Variants in NKAIN3 observed in about 807,000 individuals in gnomAD.
NKAIN3 encodes the protein sodium/potassium transporting ATPase interacting 3.
A neutral mutation model predicts 30.2 loss-of-function variants in NKAIN3; 25 were observed. The ratio of observed to expected loss-of-function variants is 0.83; its 90% CI spans 0.60 to 1.16. The LOEUF is 1.16. Among genes scored for constraint, NKAIN3 ranks in the 50% most tolerant of loss-of-function variants. The pLI is 0.00. For missense variants in NKAIN3, 225 were observed against 254.1 expected, an observed-to-expected ratio of 0.89 and a Z score of 0.78; for synonymous variants, 91 against 89.6, an observed-to-expected ratio of 1.02 and a Z score of -0.09.
At position 62,364,817 on chromosome 8, in the gene NKAIN3, A is replaced by C. The variant is rs1338345638; in HGVS notation, c.54+115690A>C. Among the ~76,000 whole-genome samples the C allele has an allele frequency of 9.6e-5, 10 of 103,834 alleles. No individual in the cohort carries two copies. In the Admixed American group the frequency reaches 1.2e-3, roughly 13 times the overall value. The allele number at this position is 103,834 out of a possible 152,430, so 68.1% of individuals were successfully genotyped here. A position where few individuals can be genotyped will look rare whatever the true frequency, so the allele number is the denominator to read the frequency against. ...GCACTCCAGCCTGTGTGACAGAGCG[A>C]GACTCCACTACAAAAAAAAAAAAAA... On this transcript the variant is annotated intron_variant, in intron 1 of 6. Transcript: ENST00000623646.
At chr8:62,955,787 C>T (rs1160030308) in intron 6 of NKAIN3, among the ~76,000 whole-genome samples, 2 of 152,188 alleles carry the variant, frequency 1.3e-5, no homozygotes, top group Admixed American at 6.5e-5. Context: ...GAATCAAAAA[C>T]ACCCAAAACA....
intron 4 of NKAIN3, among the ~76,000 whole-genome samples, chr8:62,768,793 A>G (rs939737267): frequency 6.6e-6 from 1 of 152,228 alleles, no homozygotes; most frequent in African/African-American, 2.4e-5. Context: ...CTTAAATTTA[A>G]CAATCCAAAC....
intron 1 of NKAIN3, among the ~76,000 whole-genome samples, chr8:62,301,460 G>A (rs573973330): frequency 3.8e-4 from 58 of 152,170 alleles, no homozygotes; most frequent in African/African-American, 1.4e-3. Flanking sequence ...CAACTGGACT[G>A]GTTACTTGGC....
intron 1 of NKAIN3, among the ~76,000 whole-genome samples, chr8:62,343,456 T>C (rs774898115): frequency 4.2e-4 from 64 of 152,074 alleles, no homozygotes; most frequent in Non-Finnish European, 8.4e-4. Flanking sequence ...CTACTATAAA[T>C]TTTACTATTC....
At chr8:62,440,731 C>T (rs543375263) in intron 1 of NKAIN3, among the ~76,000 whole-genome samples, 5 of 150,636 alleles carry the variant, frequency 3.3e-5, no homozygotes, top group Admixed American at 6.6e-5. Context: ...AGAGAGCTAA[C>T]GACTGTGAAA....
At chr8:62,389,289 A>G (rs1817518219) in intron 1 of NKAIN3, among the ~76,000 whole-genome samples, 1 of 152,224 alleles carries the variant, frequency 6.6e-6, no homozygotes, top group Non-Finnish European at 1.5e-5. Flanking sequence ...AAATCAGGTT[A>G]ATTAGCATAT....
intron 3 of NKAIN3, among the ~76,000 whole-genome samples, chr8:62,683,507 G>T (rs1045402269): frequency 2.6e-5 from 4 of 152,290 alleles, no homozygotes; most frequent in African/African-American, 9.6e-5. Context: ...AGTTTATTGA[G>T]AAATCATAAT....
chr8:62,961,320 C>T (rs1351171444), intron 6 of NKAIN3, among the ~76,000 whole-genome samples: 1 of 151,824 alleles, frequency 6.6e-6, no homozygotes, highest in East Asian at 1.9e-4. Flanking sequence ...ATTTTGTGTC[C>T]ACAGATGTGC....
At chr8:62,800,205 A>G (rs773303052) in intron 4 of NKAIN3, among the ~76,000 whole-genome samples, 2 of 149,978 alleles carry the variant, frequency 1.3e-5, no homozygotes, top group Non-Finnish European at 3.0e-5. Context: ...ATTGAAATAA[A>G]TAATAAATAA....
chr8:62,572,839 G>A (rs930279457), intron 1 of NKAIN3, among the ~76,000 whole-genome samples: 4 of 152,252 alleles, frequency 2.6e-5, no homozygotes, highest in Admixed American at 2.6e-4. Context: ...GGGAATTATG[G>A]GAGCTACAAG....
intron 4 of NKAIN3, 51 bp downstream of exon 4, chr8:62,747,180 A>AT (rs573180801): frequency 8.0e-6 from 10 of 1,251,214 alleles, no homozygotes; most frequent in African/African-American, 1.4e-5. Flanking sequence ...CTTTGCTGGC[A>AT]TTTTTTTCTC....
At chr8:62,870,358 T>C (rs1277963396) in intron 4 of NKAIN3, among the ~76,000 whole-genome samples, 1 of 135,770 alleles carries the variant, frequency 7.4e-6, no homozygotes, top group South Asian at 2.2e-4. Flanking sequence ...ACAAAATATA[T>C]GCATATACTA....
chr8:62,948,417 C>G (rs1229404148), intron 5 of NKAIN3, among the ~76,000 whole-genome samples: 3 of 152,084 alleles, frequency 2.0e-5, no homozygotes, highest in Non-Finnish European at 4.4e-5. Flanking sequence ...CCAGGATGGT[C>G]TCCATCTCTT....
intron 6 of NKAIN3, among the ~76,000 whole-genome samples, chr8:62,954,309 G>A (rs954854048): frequency 1.3e-4 from 20 of 152,148 alleles, no homozygotes; most frequent in Non-Finnish European, 2.6e-4. Flanking sequence ...AGTAAAAAGG[G>A]GAGAAAGACC....
At position 62,972,129 on chromosome 8, in the gene NKAIN3, A is replaced by G. The variant is rs1481895915; in HGVS notation, c.*6722A>G. Among the ~76,000 whole-genome samples the G allele has an allele frequency of 1.3e-5, 2 of 152,048 alleles. No individual in the cohort carries two copies. Among genetic ancestry groups the G allele is most frequent in the Admixed American group, 6.6e-5 (1 of 15,256 alleles). ...TTGGTAGTGTTGTTATTTTCTTGTT[A>G]TTCAGTTTAACAAGTACATAATCAA... On this transcript the variant is annotated 3_prime_UTR_variant, in exon 7 of 7. Coordinates refer to ENST00000623646, the MANE Select transcript of NKAIN3 (RefSeq NM_001304533.3).
chr8:62,651,135 G>GA (rs1024494536), intron 3 of NKAIN3, among the ~76,000 whole-genome samples: 12 of 150,698 alleles, frequency 8.0e-5, no homozygotes, highest in South Asian at 4.2e-4. Flanking sequence ...AAACTTCTTC[G>GA]AAAAGATAAA....
intron 1 of NKAIN3, among the ~76,000 whole-genome samples, chr8:62,265,155 C>A (rs1812564966): frequency 6.6e-6 from 1 of 152,154 alleles, no homozygotes; most frequent in Non-Finnish European, 1.5e-5. Context: ...TCTTAACTGT[C>A]TACTGCCCAA....
At chr8:62,682,133 G>A (rs535669411) in intron 3 of NKAIN3, among the ~76,000 whole-genome samples, 6 of 152,208 alleles carry the variant, frequency 3.9e-5, no homozygotes, top group East Asian at 1.9e-4. Context: ...TCCTGGACCC[G>A]GAGAGACAGC....
intron 5 of NKAIN3, among the ~76,000 whole-genome samples, chr8:62,952,072 A>G (rs1563642881): frequency 6.6e-6 from 1 of 152,100 alleles, no homozygotes; most frequent in Non-Finnish European, 1.5e-5. Flanking sequence ...ATTGCTAGCA[A>G]TATAGGCATG....
Sources: gnomAD v4.1 joint callset for allele counts (sites outside exome capture counted in the v4.1 genomes callset) on GRCh38, gnomAD v4.1.1 for gene constraint, MANE v1.5 for transcripts, NCBI Gene and HGNC (gene_info 2026-07-23, HGNC 2026-07-21) for gene names.